The following CENPU variants were observed in gnomAD, a reference collection of about 807,000 sequenced individuals.
CENPU encodes KSHV latent nuclear antigen interacting protein 1.
CENPU carries 46 observed loss-of-function variants against 56.7 expected under a neutral mutation model. The observed-to-expected ratio is 0.81, with a 90% CI of 0.64 to 1.04. CENPU has a LOEUF of 1.04. Ranked by LOEUF, CENPU falls within the 50% of genes least tolerant of loss-of-function variation. CENPU has a pLI of 0.00. For missense variants in CENPU, 510 were observed against 490.1 expected (o/e 1.04, Z -0.38); for synonymous variants, 166 against 163.0 (o/e 1.02, Z -0.14).
chr4:184,724,265 C>CA (rs201987556), intron 4 of CENPU, among the ~76,000 whole-genome samples: 4,074 of 151,918 alleles, frequency 0.027, 189 homozygotes, highest in African/African-American at 0.093. Context: ...GACTCCATCT[C>CA]AAAAAAACAA....
At position 184,713,017 on chromosome 4, in the gene CENPU, C is replaced by CAAA. The variant is rs34353251; in HGVS notation, c.619-7_619-5dup. ...TCTTCCCTTTTTTCTGAGTTTTCTA[C>CAAA]AAAAAAAAAAAGCATTAAGTTTTTA... On this transcript the variant is annotated splice_region_variant and splice_polypyrimidine_tract_variant and intron_variant, in intron 6 of 12. Transcript: ENST00000281453. 1.6e-6 allele frequency: 2 copies of CAAA among 1,279,718 alleles called. No homozygotes were observed. Among genetic ancestry groups the CAAA allele is most frequent in the African/African-American group, 1.6e-5 (1 of 64,174 alleles). 79.3% of individuals were successfully genotyped at this position (1,279,718 alleles called of 1,614,324 possible). A position where few individuals can be genotyped will look rare whatever the true frequency, so the allele number is the denominator to read the frequency against.
intron 4 of CENPU, among the ~76,000 whole-genome samples, chr4:184,721,457 T>TAAAAAAAAAAAA (rs138476894): frequency 2.7e-5 from 2 of 74,572 alleles, no homozygotes; most frequent in East Asian, 4.9e-4. Context: ...TGGCTGATTG[T>TAAAAAAAAAAAA]AAAAAAAAAA....
At chr4:184,723,027 C>T (rs1309357862) in intron 4 of CENPU, among the ~76,000 whole-genome samples, 1 of 152,112 alleles carries the variant, frequency 6.6e-6, no homozygotes, top group Non-Finnish European at 1.5e-5. Flanking sequence ...ATGACTATAT[C>T]CTATAGATAC....
At chr4:184,699,594 G>A in intron 11 of CENPU, 2 of 1,288,806 alleles carry the variant, frequency 1.6e-6, no homozygotes, top group Non-Finnish European at 2.0e-6. Flanking sequence ...GCCAGCACCT[G>A]TCCAGAGACT....
intron 3 of CENPU, among the ~76,000 whole-genome samples, chr4:184,727,067 G>C (rs1425813371): frequency 7.0e-6 from 1 of 143,188 alleles, no homozygotes; most frequent in Non-Finnish European, 1.5e-5. Context: ...AGTGAGCCGA[G>C]ATCGCGCCAC....
intron 8 of CENPU, 188 bp from the exon 9 acceptor site, chr4:184,702,629 C>G (rs556283233): frequency 2.2e-6 from 1 of 459,036 alleles, no homozygotes; most frequent in African/African-American, 2.0e-5. Context: ...TATGGGCATA[C>G]TGCATGACAC....
chr4:184,734,000 GGTC>G lies in CENPU; in HGVS notation c.47+13_47+15del. 1 of 1,610,106 alleles carries G rather than the reference GGTC, an allele frequency of 6.2e-7. No homozygotes were observed. The highest frequency in any genetic ancestry group is 1.1e-5 in the South Asian group (1 of 90,736). On this transcript the variant is annotated intron_variant, in intron 1 of 12. Transcript: ENST00000281453. Reference sequence around the variant, plus strand: ...TGGTCTCCGGCCCCGCGCTCCCGAGGGTCGGCAGTACTTACCCCTCAGACCTGT... The same window carrying G: ...TGGTCTCCGGCCCCGCGCTCCCGAGGGGCAGTACTTACCCCTCAGACCTGT...
In CENPU at chr4:184,733,928, C is replaced by T. The variant is rs1045273636; in HGVS notation, c.47+88G>A. 4.5e-6 allele frequency: 7 copies of T among 1,566,830 alleles called. No homozygotes were observed. The African/African-American group carries it at 9.4e-5, about 21-fold the overall frequency. On this transcript the variant is annotated intron_variant, in intron 1 of 12. Transcript: ENST00000281453. Reference sequence around the variant, plus strand: ...GGCGACCTCCACAGTGGAGCACCAACAGCGCCGGGAGGCGCAAACCACGGC... The same window carrying T: ...GGCGACCTCCACAGTGGAGCACCAATAGCGCCGGGAGGCGCAAACCACGGC...
intron 6 of CENPU, among the ~76,000 whole-genome samples, chr4:184,715,470 A>AT (rs1420983200): frequency 6.6e-6 from 1 of 152,106 alleles, no homozygotes; most frequent in Non-Finnish European, 1.5e-5. Flanking sequence ...GCGCCACCAC[A>AT]TCCAGCTAAT....
At chr4:184,725,417 T>A (rs1761417943) in intron 3 of CENPU, among the ~76,000 whole-genome samples, 1 of 152,246 alleles carries the variant, frequency 6.6e-6, no homozygotes, top group Non-Finnish European at 1.5e-5. Context: ...GCGATCTTCC[T>A]GCCTCAGCCT....
At chr4:184,697,547 A>G in intron 12 of CENPU, 100 bp downstream of exon 12, 2 of 1,113,820 alleles carry the variant, frequency 1.8e-6, no homozygotes, top group Non-Finnish European at 2.6e-6. Flanking sequence ...GTAATTCTGT[A>G]TCTGCATTTG....
intron 7 of CENPU, among the ~76,000 whole-genome samples, chr4:184,712,220 G>A (rs1323376673): frequency 6.6e-6 from 1 of 151,736 alleles, no homozygotes; most frequent in Non-Finnish European, 1.5e-5. Context: ...CAACTGTAGT[G>A]TAATCACACA....
At chr4:184,725,236 T>C (rs954566049) in intron 3 of CENPU, among the ~76,000 whole-genome samples, 174 bp from the exon 4 acceptor site, 9 of 152,214 alleles carry the variant, frequency 5.9e-5, no homozygotes, top group African/African-American at 1.4e-4. Context: ...ACAATAAAAA[T>C]TGTAAACCCT....
Position 184,718,197 on chromosome 4 carries a change from A to C in CENPU, c.321-1001T>G, listed in dbSNP as rs565153886. Among the ~76,000 whole-genome samples, 5 of 152,288 alleles carry C rather than the reference A, an allele frequency of 3.3e-5. No individual in the cohort carries two copies. In the East Asian group the frequency reaches 9.7e-4, roughly 29 times the overall value. ...GTGGGCAGTCTCTAGCCAACAAGTA[A>C]GCACAGCAAGGGTCTGGGGCCTCGA... On this transcript the variant is annotated intron_variant, in intron 4 of 12. Transcript: ENST00000281453.
rs1579784104 is a variant in CENPU at position 184,719,066 on chromosome 4, G to T, written c.321-1870C>A. The stretch of plus-strand genomic sequence containing the variant: ...GACAGCAGAATCACCTACACATAAA[G>T]AAAAAAACAGGAGAGGAAACAGCCA... On this transcript the variant is annotated intron_variant, in intron 4 of 12. Coordinates refer to ENST00000281453, the MANE Select transcript of CENPU (RefSeq NM_024629.4). 3.3e-5 allele frequency among the ~76,000 whole-genome samples: 5 copies of T among 152,072 alleles called. No individual in the cohort carries two copies. The South Asian group carries it at 1.0e-3, about 32-fold the overall frequency.
intron 8 of CENPU, among the ~76,000 whole-genome samples, chr4:184,706,757 C>T (rs936950660): frequency 6.6e-6 from 1 of 152,186 alleles, no homozygotes; most frequent in Non-Finnish European, 1.5e-5. Flanking sequence ...CAGTGATTCA[C>T]CAGAATTCTT....
Position 184,734,084 on chromosome 4 carries a change from G to T in CENPU, c.-22C>A. ...CCATGGTGCCGCTCTCCGCTCTCGA[G>T]CGACTGGAAGCTCCCGCCAAGCCCC... On this transcript the variant is annotated 5_prime_UTR_variant, in exon 1 of 13. Transcript: ENST00000281453. The T allele has an allele frequency of 6.5e-7, 1 of 1,543,432 alleles. No individual in the cohort carries two copies.
Position 184,694,687 on chromosome 4 carries a change from T to C in CENPU, c.*601A>G. ...TTTAGAAGCTACTGAAGATGCTGAA[T>C]TAGCTGAAGCTGCAGAGAACAGTCT... On this transcript the variant is annotated 3_prime_UTR_variant, in exon 13 of 13. Coordinates refer to ENST00000281453, the MANE Select transcript of CENPU (RefSeq NM_024629.4). 1 of 1,614,046 alleles carries C rather than the reference T, an allele frequency of 6.2e-7. No individual in the cohort carries two copies. Among genetic ancestry groups the C allele is most frequent in the East Asian group, 2.2e-5 (1 of 44,884 alleles).
chr4:184,698,053 T>C (rs1760400799), intron 11 of CENPU: 1 of 378,522 alleles, frequency 2.6e-6, no homozygotes, highest in South Asian at 4.0e-5. Context: ...TTATAAATGC[T>C]GAAATTCATC....
Sources: gnomAD v4.1 joint callset for allele counts (sites outside exome capture counted in the v4.1 genomes callset) on GRCh38, gnomAD v4.1.1 for gene constraint, MANE v1.5 for transcripts, NCBI Gene and HGNC (gene_info 2026-07-23, HGNC 2026-07-21) for gene names.